RALGAPA2: variants seen among roughly 807,000 people sequenced by gnomAD.
RALGAPA2 encodes the protein Ral GTPase activating protein catalytic subunit alpha 2.
A neutral mutation model predicts 230.4 loss-of-function variants in RALGAPA2; 139 were observed. The observed-to-expected ratio is 0.60, with a 90% CI of 0.53 to 0.69. RALGAPA2 has a LOEUF of 0.69. Among genes scored for constraint, RALGAPA2 ranks in the 30% least tolerant of loss-of-function variants. The probability of loss-of-function intolerance (pLI) is 0.00; values close to 1 mark genes in which losing one functional copy is unlikely to be tolerated. For missense variants in RALGAPA2, 2,163 were observed against 2,276.0 expected (o/e 0.95, Z 1.01); for synonymous variants, 847 against 837.8 (o/e 1.01, Z -0.19).
At chr20:20,647,769 A>T (rs375780217) in intron 4 of RALGAPA2, among the ~76,000 whole-genome samples, 4 of 152,346 alleles carry the variant, frequency 2.6e-5, no homozygotes, top group African/African-American at 9.6e-5. Flanking sequence ...AAGACAAAGT[A>T]ATGGCAAATA....
intron 1 of RALGAPA2, among the ~76,000 whole-genome samples, chr20:20,687,666 G>A (rs1161447732): frequency 6.6e-6 from 1 of 152,176 alleles, no homozygotes; most frequent in East Asian, 1.9e-4. Flanking sequence ...ATGGATGCCT[G>A]TTGCTGTAAA....
At chr20:20,659,507 T>C (rs925386736) in intron 3 of RALGAPA2, among the ~76,000 whole-genome samples, 1 of 152,226 alleles carries the variant, frequency 6.6e-6, no homozygotes, top group African/African-American at 2.4e-5. Flanking sequence ...ACACAATTCA[T>C]ATTCCAGAAA....
rs531078572 is a variant in RALGAPA2 at position 20,520,014 on chromosome 20, C to T, written c.4084+903G>A. 7.2e-5 allele frequency among the ~76,000 whole-genome samples: 11 copies of T among 152,154 alleles called. No individual in the cohort carries two copies. In the South Asian group the frequency reaches 1.2e-3, roughly 17 times the overall value. ...TGCTCGCCTTGGCCTCCCAAAGTGA[C>T]GGGATTACAGGTGGGAGCCATGATG... On this transcript the variant is annotated intron_variant, in intron 31 of 39. Coordinates refer to ENST00000202677, the MANE Select transcript of RALGAPA2 (RefSeq NM_020343.4).
At chr20:20,422,414 C>T (rs552156330) in intron 37 of RALGAPA2, among the ~76,000 whole-genome samples, 1 of 152,198 alleles carries the variant, frequency 6.6e-6, no homozygotes, top group Non-Finnish European at 1.5e-5. Context: ...GCCTGGGCAA[C>T]ATAGTGAGAC....
chr20:20,529,822 G>A (rs557448390), intron 27 of RALGAPA2, among the ~76,000 whole-genome samples: 3 of 152,160 alleles, frequency 2.0e-5, no homozygotes, highest in Non-Finnish European at 4.4e-5. Flanking sequence ...TATGCGATGC[G>A]TGACTCTGTG....
At chr20:20,551,213 T>TA (rs1207156110) in intron 23 of RALGAPA2, among the ~76,000 whole-genome samples, 1 of 152,208 alleles carries the variant, frequency 6.6e-6, no homozygotes, top group Non-Finnish European at 1.5e-5. Flanking sequence ...TAGCAAGAAT[T>TA]AGTTTCTTTT....
At chr20:20,446,246 T>C (rs2060859331) in intron 37 of RALGAPA2, among the ~76,000 whole-genome samples, 2 of 152,154 alleles carry the variant, frequency 1.3e-5, no homozygotes, top group Admixed American at 1.3e-4. Flanking sequence ...CCTCTCAACT[T>C]CCCCATTTTG....
chr20:20,405,181 T>C (rs1057145578), intron 38 of RALGAPA2, among the ~76,000 whole-genome samples: 1 of 152,202 alleles, frequency 6.6e-6, no homozygotes, highest in Non-Finnish European at 1.5e-5. Flanking sequence ...GCAAATGGCA[T>C]GGTCCATCTC....
At chr20:20,584,566 G>T (rs1486102714) in intron 19 of RALGAPA2, among the ~76,000 whole-genome samples, 4 of 152,192 alleles carry the variant, frequency 2.6e-5, no homozygotes, top group Non-Finnish European at 4.4e-5. Context: ...GATGGCTTGA[G>T]CCCAGTCATT....
chr20:20,476,816 C>CTTGTGGCT (rs2061662700), intron 36 of RALGAPA2, among the ~76,000 whole-genome samples: 1 of 151,878 alleles, frequency 6.6e-6, no homozygotes, highest in African/African-American at 2.4e-5. Context: ...AGAACATAGC[C>CTTGTGGCT]ACAAGGTCCA....
In RALGAPA2 at chr20:20,447,168, G is replaced by A. The variant is rs76971167; in HGVS notation, c.5495+25661C>T. On this transcript the variant is annotated intron_variant, in intron 37 of 39. Coordinates refer to ENST00000202677, the MANE Select transcript of RALGAPA2 (RefSeq NM_020343.4). ...AAGGAAGGGGGCTATCCATTGTCCA[G>A]CACCAGAAGGAGGTCAGCTGTCTGA... 4.1e-3 allele frequency among the ~76,000 whole-genome samples: 617 copies of A among 152,304 alleles called. 3 individuals carry two copies. The highest frequency in any genetic ancestry group is 0.014 in the African/African-American group (593 of 41,570).
At chr20:20,613,360 A>G (rs1286976841) in intron 13 of RALGAPA2, among the ~76,000 whole-genome samples, 3 of 152,194 alleles carry the variant, frequency 2.0e-5, no homozygotes, top group African/African-American at 7.2e-5. Context: ...CTCCTCATAC[A>G]GGTGGATTTC....
intron 23 of RALGAPA2, among the ~76,000 whole-genome samples, chr20:20,553,317 C>CAAGGCGGGAGGATCACTTGAGCCCACA (rs2063984276): frequency 6.6e-6 from 1 of 152,042 alleles, no homozygotes. Flanking sequence ...TTTAGGAAGC[C>CAAGGCGGGAGGATCACTTGAGCCCACA]AAGGCGGGAG....
intron 36 of RALGAPA2, among the ~76,000 whole-genome samples, chr20:20,477,700 C>T (rs1328217309): frequency 6.6e-6 from 1 of 152,162 alleles, no homozygotes; most frequent in Non-Finnish European, 1.5e-5. Flanking sequence ...ATTCTAGTGC[C>T]TCAGCCTCCC....
At chr20:20,517,883 A>C (rs1023393150) in intron 31 of RALGAPA2, among the ~76,000 whole-genome samples, 2 of 152,172 alleles carry the variant, frequency 1.3e-5, no homozygotes, top group African/African-American at 4.8e-5. Context: ...TACACAAATG[A>C]GAAGGAACCA....
intron 35 of RALGAPA2, among the ~76,000 whole-genome samples, chr20:20,498,077 C>CAACT (rs2062263990): frequency 1.3e-5 from 2 of 152,204 alleles, no homozygotes; most frequent in African/African-American, 4.8e-5. Context: ...CTCTGGATGG[C>CAACT]TCAAAGTGTT....
chr20:20,698,651 C>T (rs558376789), intron 1 of RALGAPA2, among the ~76,000 whole-genome samples: 2 of 152,314 alleles, frequency 1.3e-5, no homozygotes, highest in South Asian at 4.1e-4. Context: ...CTGCCCACCT[C>T]AGCCTCCCAA....
chr20:20,450,255 G>C (rs2060958534), intron 37 of RALGAPA2, among the ~76,000 whole-genome samples: 2 of 152,196 alleles, frequency 1.3e-5, no homozygotes, highest in Admixed American at 1.3e-4. Context: ...CTCTAAGTGG[G>C]ATATGCCAGT....
chr20:20,487,710 A>G (rs2061948146), intron 36 of RALGAPA2, among the ~76,000 whole-genome samples: 4 of 151,970 alleles, frequency 2.6e-5, no homozygotes, highest in Admixed American at 2.6e-4. Context: ...GGAGTTTGAG[A>G]CCAGCCTGGG....
Sources: allele counts gnomAD v4.1 joint callset (sites outside exome capture counted in the v4.1 genomes callset), GRCh38; gene constraint gnomAD v4.1.1; transcripts MANE v1.5; gene names NCBI Gene and HGNC (gene_info 2026-07-23, HGNC 2026-07-21).